Variants in GRXCR1 observed in about 807,000 individuals in gnomAD.
The protein encoded by GRXCR1 is glutaredoxin and cysteine rich domain containing 1.
Under a neutral mutation model 27.3 loss-of-function variants are expected in GRXCR1, and 27 were observed. The observed-to-expected ratio is 0.99, with a 90% CI of 0.73 to 1.37. The LOEUF is 1.37. Ranked by LOEUF, GRXCR1 falls within the 40% of genes most tolerant of loss-of-function variation. The probability of loss-of-function intolerance (pLI) is 0.00; values close to 1 mark genes in which losing one functional copy is unlikely to be tolerated. For missense variants in GRXCR1, 379 were observed against 354.4 expected, an observed-to-expected ratio of 1.07 and a Z score of -0.56; for synonymous variants, 122 against 131.1, an observed-to-expected ratio of 0.93 and a Z score of 0.47.
chr4:42,928,954 C>T (rs917397868), intron 1 of GRXCR1, among the ~76,000 whole-genome samples: 1 of 151,850 alleles, frequency 6.6e-6, no homozygotes, highest in Non-Finnish European at 1.5e-5. Context: ...CACTTTCTCC[C>T]CATCTAGAAA....
intron 1 of GRXCR1, among the ~76,000 whole-genome samples, chr4:42,928,744 G>T (rs1450314817): frequency 1.3e-5 from 2 of 151,960 alleles, no homozygotes; most frequent in Non-Finnish European, 2.9e-5. Context: ...GGCAAGGCAA[G>T]GGAGGGTAAA....
chr4:42,960,874 G>T (rs1249805441), intron 1 of GRXCR1, among the ~76,000 whole-genome samples: 1 of 151,854 alleles, frequency 6.6e-6, no homozygotes, highest in Non-Finnish European at 1.5e-5. Flanking sequence ...TGGGGAACAT[G>T]TGCAGGATGT....
chr4:42,984,702 G>A (rs951949748), intron 2 of GRXCR1, among the ~76,000 whole-genome samples: 1 of 152,200 alleles, frequency 6.6e-6, no homozygotes, highest in Non-Finnish European at 1.5e-5. Flanking sequence ...GCCTGGGATT[G>A]CTGTAGTTGG....
chr4:42,988,058 A>C (rs1476389424), intron 2 of GRXCR1, among the ~76,000 whole-genome samples: 2 of 152,092 alleles, frequency 1.3e-5, no homozygotes, highest in African/African-American at 2.4e-5. Context: ...GCTTAAAATA[A>C]CCTGATCCTG....
intron 2 of GRXCR1, among the ~76,000 whole-genome samples, chr4:42,968,693 G>GT (rs2109778123): frequency 6.6e-6 from 1 of 151,932 alleles, no homozygotes; most frequent in African/African-American, 2.4e-5. Flanking sequence ...CATCATACCT[G>GT]TATTCCATTC....
At chr4:43,029,199 T>C (rs960753793) in intron 3 of GRXCR1, among the ~76,000 whole-genome samples, 5 of 152,208 alleles carry the variant, frequency 3.3e-5, no homozygotes, top group African/African-American at 7.2e-5. Flanking sequence ...GAAGCAATCA[T>C]GGGTTAAACT....
At chr4:42,899,201 G>A (rs545422946) in intron 1 of GRXCR1, among the ~76,000 whole-genome samples, 3 of 152,130 alleles carry the variant, frequency 2.0e-5, no homozygotes, top group South Asian at 2.1e-4. Context: ...TTCCCATAAC[G>A]GACAGGACTA....
intron 1 of GRXCR1, among the ~76,000 whole-genome samples, chr4:42,924,006 G>T (rs1279779597): frequency 6.6e-6 from 1 of 152,022 alleles, no homozygotes; most frequent in Non-Finnish European, 1.5e-5. Flanking sequence ...TAAATTGCCT[G>T]CCACAAATTG....
chr4:42,902,704 G>A (rs1040711435), intron 1 of GRXCR1, among the ~76,000 whole-genome samples: 2 of 152,144 alleles, frequency 1.3e-5, no homozygotes, highest in African/African-American at 2.4e-5. Flanking sequence ...GTGGGAGGGA[G>A]AGCTTCAGGA....
intron 1 of GRXCR1, among the ~76,000 whole-genome samples, chr4:42,912,164 C>A (rs147693483): frequency 4.2e-4 from 64 of 152,050 alleles, no homozygotes; most frequent in African/African-American, 1.5e-3. Flanking sequence ...TAAAAATATT[C>A]AAAAAATGGG....
intron 1 of GRXCR1, among the ~76,000 whole-genome samples, chr4:42,905,462 C>T (rs1029617246): frequency 6.6e-6 from 1 of 152,210 alleles, no homozygotes; most frequent in African/African-American, 2.4e-5. Context: ...ACACGGTGGA[C>T]TGCTAGACAT....
chr4:42,943,151 C>T (rs934714521), intron 1 of GRXCR1, among the ~76,000 whole-genome samples: 1 of 152,078 alleles, frequency 6.6e-6, no homozygotes, highest in African/African-American at 2.4e-5. Context: ...ATCTCTGAGT[C>T]TCAGCTTCCA....
At chr4:42,995,972 C>T (rs529847956) in intron 2 of GRXCR1, among the ~76,000 whole-genome samples, 7 of 152,330 alleles carry the variant, frequency 4.6e-5, no homozygotes, top group African/African-American at 1.7e-4. Context: ...TACAGGAGAA[C>T]ACCTCAAATA....
chr4:42,893,497 G>T lies in GRXCR1; in HGVS notation c.231G>T (p.Gln77His), dbSNP rs368876169. 9.3e-6 allele frequency: 15 copies of T among 1,613,768 alleles called. No individual in the cohort carries two copies. The highest frequency in any genetic ancestry group is 6.7e-5 in the African/African-American group (5 of 74,896). ...AAGGTGATGAGAATGAGAATGACCA[G>T]GATAGCTTGCTGGTGTTAGCAAGGG... ...ESEGDENENDQDSLLVLARAA... is the reference protein window; with the variant it reads ...ESEGDENENDHDSLLVLARAA... Residue 77 changes from glutamine (Q) to histidine (H), a missense_variant, in exon 1 of 4, where the codon CAG (glutamine) becomes CAT (histidine). Gln to His is a conservative substitution (Grantham distance 24). Coordinates refer to ENST00000399770, the MANE Select transcript of GRXCR1 (RefSeq NM_001080476.3).
At chr4:42,968,204 T>C (rs1748294742) in intron 2 of GRXCR1, among the ~76,000 whole-genome samples, 1 of 152,106 alleles carries the variant, frequency 6.6e-6, no homozygotes, top group South Asian at 2.1e-4. Context: ...TGTACACAGC[T>C]TGGAAAACGT....
At chr4:43,016,633 TTGTG>T (rs34018617) in intron 2 of GRXCR1, among the ~76,000 whole-genome samples, 214 of 149,422 alleles carry the variant, frequency 1.4e-3, no homozygotes, top group African/African-American at 3.4e-3. Flanking sequence ...AGTTGTGTGT[TTGTG>T]TGTGTGTGTG....
chr4:42,941,356 A>G lies in GRXCR1; in HGVS notation c.385-21536A>G, dbSNP rs1408426274. ...ACTCTCTAGGTCAGGAATTGTAAGT[A>G]ACCTGAAGGCTAAGTTTGACTTTCA... is the stretch of plus-strand genomic sequence containing the variant. On this transcript the variant is annotated intron_variant, in intron 1 of 3. Transcript: ENST00000399770. 2.0e-5 allele frequency among the ~76,000 whole-genome samples: 3 copies of G among 152,086 alleles called. No individual in the cohort carries two copies. In the South Asian group the frequency reaches 6.2e-4, roughly 31 times the overall value.
intron 1 of GRXCR1, among the ~76,000 whole-genome samples, chr4:42,894,197 A>G (rs1265325854): frequency 6.6e-6 from 1 of 152,096 alleles, no homozygotes; most frequent in Admixed American, 6.6e-5. Flanking sequence ...ATTGCCCATA[A>G]AAATTCTAGG....
chr4:43,022,532 T>C (rs940981626), intron 3 of GRXCR1, among the ~76,000 whole-genome samples: 1 of 152,224 alleles, frequency 6.6e-6, no homozygotes, highest in African/African-American at 2.4e-5. Context: ...ATGTTCAAAA[T>C]AATGGTATGG....
Sources: gnomAD v4.1 joint callset for allele counts (sites outside exome capture counted in the v4.1 genomes callset) on GRCh38, gnomAD v4.1.1 for gene constraint, MANE v1.5 for transcripts, NCBI Gene and HGNC (gene_info 2026-07-23, HGNC 2026-07-21) for gene names.